OARD1: variants seen among roughly 807,000 people sequenced by gnomAD.
OARD1 encodes the protein O-acyl-ADP-ribose deacylase 1, also known as ADP-ribose glycohydrolase OARD1.
Under a neutral mutation model 19.7 loss-of-function variants are expected in OARD1, and 19 were observed. That is an observed-to-expected ratio of 0.96 (90% confidence interval 0.67 to 1.41). The LOEUF (loss-of-function observed/expected upper bound fraction) is 1.41, where lower values mean the gene tolerates loss of function less well. Ranked by LOEUF, OARD1 falls within the 40% of genes most tolerant of loss-of-function variation. The probability of loss-of-function intolerance (pLI) is 0.00; values close to 1 mark genes in which losing one functional copy is unlikely to be tolerated. For synonymous variants in OARD1, 70 were observed against 61.8 expected (o/e 1.13, Z -0.62); for missense variants, 190 against 183.8 (o/e 1.03, Z -0.20).
At chr6:41,075,788 C>T (rs1763716675), upstream of OARD1, 1 of 151,548 alleles carries the variant, frequency 6.6e-6, no homozygotes, top group Admixed American at 6.6e-5. Flanking sequence ...TCTCTGTCCT[C>T]CAAATTCCCA....
At chr6:41,077,308 G>A (rs1582020558), upstream of OARD1, among the ~76,000 whole-genome samples, 1 of 152,026 alleles carries the variant, frequency 6.6e-6, no homozygotes, top group Non-Finnish European at 1.5e-5. Context: ...GTACACCTGT[G>A]CAACTGCTAC....
intron 1 of OARD1, among the ~76,000 whole-genome samples, chr6:41,091,946 A>T (rs951206218): frequency 5.9e-5 from 9 of 152,218 alleles, no homozygotes; most frequent in Admixed American, 5.9e-4. Flanking sequence ...GATTTTATGG[A>T]ATTCTTTTCA....
chr6:41,068,908 G>A lies in OARD1; in HGVS notation c.289C>T (p.Gln97Ter). 1 of 1,610,236 alleles carries A rather than the reference G, an allele frequency of 6.2e-7. No individual in the cohort carries two copies. Residue 97 changes from glutamine (Q) to a stop codon, truncating the protein, a stop_gained, in exon 5 of 6, where the codon CAG becomes TAG. Coordinates refer to ENST00000424266, the MANE Select transcript of OARD1 (RefSeq NM_001329686.2). LOFTEE classifies it high-confidence loss of function. ...ASHKPTYENL[Q>*]KSLEAMKSHC... ...GACTTCATTGCCTCTAAACTCTTCT[G>A]TAAGTTTTCATAAGTTGGCTTGTGC...
At chr6:41,092,817 G>T in intron 1 of OARD1, 1 of 1,319,498 alleles carries the variant, frequency 7.6e-7, no homozygotes, top group African/African-American at 1.5e-5. Context: ...ACTTTTTGTG[G>T]CATTTACAAA....
At chr6:41,071,110 G>C (rs967565774) in intron 3 of OARD1, 22 bp downstream of exon 3, 4 of 1,612,084 alleles carry the variant, frequency 2.5e-6, no homozygotes, top group Admixed American at 1.7e-5. Context: ...GGCAAACCAG[G>C]TAAGTGGTTT....
At chr6:41,071,717 TAG>T (rs1436013091) in intron 1 of OARD1, 42 bp from the exon 2 acceptor site, 1 of 1,123,032 alleles carries the variant, frequency 8.9e-7, no homozygotes, top group Non-Finnish European at 1.4e-6. Context: ...TAGGCAGCCT[TAG>T]TATATAATAT....
Position 41,079,279 on chromosome 6 carries a change from T to C in OARD1, c.-41-7604A>G. 5.1e-6 allele frequency: 5 copies of C among 975,876 alleles called. No individual in the cohort carries two copies. In the South Asian group the frequency reaches 7.5e-5, roughly 15 times the overall value. The allele number at this position is 975,876 out of a possible 1,614,324, so 60.5% of individuals were successfully genotyped here. On this transcript the variant is annotated intron_variant, in intron 1 of 4. Transcript: ENST00000480585. ...TTGAAAGATACCAGATCTTGTGAGA[T>C]ATTGGGTCTGATGGCTTGTGCTGAA...
At chr6:41,078,970 G>A in intron 1 of OARD1, 1 of 731,358 alleles carries the variant, frequency 1.4e-6, no homozygotes, top group Non-Finnish European at 2.3e-6. Flanking sequence ...CAGGTTAATT[G>A]TCTGGTAAGG....
chr6:41,070,264 G>A, intron 3 of OARD1, 130 bp from the exon 4 acceptor site: 1 of 640,578 alleles, frequency 1.6e-6, no homozygotes, highest in South Asian at 1.9e-5. Context: ...AGGGAATAGG[G>A]AAGACCTATT....
rs941974234 is a variant in OARD1, at chr6:41,066,538, A to G, written c.*797T>C. On this transcript the variant is annotated 3_prime_UTR_variant, in exon 6 of 6. Coordinates refer to ENST00000424266, the MANE Select transcript of OARD1 (RefSeq NM_001329686.2). ...GTACTCTGCCAGGCATTTAACATACATTATTTCACTTGTTTTCATGATTAA... is the reference window on the plus strand; with the variant it reads ...GTACTCTGCCAGGCATTTAACATACGTTATTTCACTTGTTTTCATGATTAA... 1.3e-4 allele frequency: 20 copies of G among 152,182 alleles called. No homozygotes were observed. Among genetic ancestry groups the G allele is most frequent in the African/African-American group, 4.6e-4 (19 of 41,446 alleles). 9.4% of individuals were successfully genotyped at this position (152,182 alleles called of 1,614,324 possible). A position where few individuals can be genotyped will look rare whatever the true frequency, so the allele number is the denominator to read the frequency against.
intron 1 of OARD1, chr6:41,084,108 A>G: frequency 1.2e-6 from 2 of 1,614,170 alleles, no homozygotes; most frequent in Non-Finnish European, 8.5e-7. Context: ...CAACTGGCCA[A>G]CCCATCATGG....
At chr6:41,097,504 C>A in intron 1 of OARD1, 1 of 1,311,154 alleles carries the variant, frequency 7.6e-7, no homozygotes, top group Non-Finnish European at 1.1e-6. Flanking sequence ...TGATCACATT[C>A]TGCCCTTTAC....
At chr6:41,071,535 T>C (rs2114064101) in intron 2 of OARD1, 61 bp downstream of exon 2, 11 of 1,351,184 alleles carry the variant, frequency 8.1e-6, no homozygotes, top group South Asian at 1.2e-5. Flanking sequence ...AAAGTGTTTA[T>C]GCTTTTGACC....
intron 1 of OARD1, among the ~76,000 whole-genome samples, chr6:41,080,307 TA>T (rs535262494): frequency 4.0e-5 from 6 of 148,262 alleles, no homozygotes; most frequent in Admixed American, 6.7e-5. Flanking sequence ...AAATAAAGTT[TA>T]AAAAAAAAAG....
chr6:41,090,968 G>C (rs1268464891), intron 1 of OARD1, among the ~76,000 whole-genome samples: 8 of 152,228 alleles, frequency 5.3e-5, no homozygotes, highest in Non-Finnish European at 1.2e-4. Flanking sequence ...ACAGGATCCA[G>C]AGAGTGCACT....
chr6:41,073,444 C>T (rs1049823156), upstream of OARD1, among the ~76,000 whole-genome samples: 45 of 152,130 alleles, frequency 3.0e-4, no homozygotes, highest in African/African-American at 8.4e-4. Flanking sequence ...CACTAGGGGA[C>T]ACATGCGCGC....
chr6:41,071,825 C>A, intron 1 of OARD1, 150 bp from the exon 2 acceptor site: 1 of 562,210 alleles, frequency 1.8e-6, no homozygotes, highest in Non-Finnish European at 3.2e-6. Context: ...ATACAAAACC[C>A]TTCTGGGGCA....
chr6:41,096,706 C>T (rs148068615), intron 1 of OARD1, among the ~76,000 whole-genome samples: 47 of 152,272 alleles, frequency 3.1e-4, no homozygotes, highest in African/African-American at 1.1e-3. Context: ...CGGAGTGTTG[C>T]AAAAAGCTTC....
intron 1 of OARD1, chr6:41,097,221 G>A: frequency 1.3e-6 from 1 of 745,332 alleles, no homozygotes; most frequent in Non-Finnish European, 2.3e-6. Flanking sequence ...CATGTATGCA[G>A]ACTTAAGATG....
Sources: gnomAD v4.1 joint callset for allele counts (sites outside exome capture counted in the v4.1 genomes callset) on GRCh38, gnomAD v4.1.1 for gene constraint, MANE v1.5 for transcripts, NCBI Gene and HGNC (gene_info 2026-07-23, HGNC 2026-07-21) for gene names.